Variants in KLHL1 observed in about 807,000 individuals in gnomAD.
KLHL1 encodes kelch-like protein 1.
In KLHL1, 47 loss-of-function variants were observed where a neutral mutation model predicts 77.7. The observed-to-expected ratio is 0.60, with a 90% CI of 0.48 to 0.77. The LOEUF is 0.77. KLHL1 is among the 30% of genes least tolerant of loss of function. The probability of loss-of-function intolerance (pLI) is 0.00; values close to 1 mark genes in which losing one functional copy is unlikely to be tolerated. For synonymous variants in KLHL1, 360 were observed against 325.2 expected (o/e 1.11, Z -1.15); for missense variants, 925 against 910.8 (o/e 1.02, Z -0.20).
intron 1 of KLHL1, among the ~76,000 whole-genome samples, chr13:70,016,681 G>T (rs1190316920): frequency 2.0e-5 from 3 of 152,176 alleles, no homozygotes; most frequent in African/African-American, 7.2e-5. Flanking sequence ...CGCACAAACA[G>T]CTTGGGCACC....
At chr13:69,967,186 A>G (rs1884236411) in intron 2 of KLHL1, among the ~76,000 whole-genome samples, 1 of 152,170 alleles carries the variant, frequency 6.6e-6, no homozygotes, top group Non-Finnish European at 1.5e-5. Flanking sequence ...ATAAGTCTCC[A>G]GATGCTGTAA....
intron 4 of KLHL1, among the ~76,000 whole-genome samples, chr13:69,926,283 A>T (rs1882810726): frequency 1.3e-5 from 2 of 152,186 alleles, no homozygotes; most frequent in Non-Finnish European, 1.5e-5. Context: ...AAATTCAAGG[A>T]TTATTATATA....
At chr13:69,819,496 T>C (rs1878251734) in intron 6 of KLHL1, among the ~76,000 whole-genome samples, 2 of 152,232 alleles carry the variant, frequency 1.3e-5, no homozygotes, top group South Asian at 4.1e-4. Context: ...TTAGGCACAC[T>C]GAGAACATTT....
chr13:69,900,733 T>C (rs1881824772), intron 4 of KLHL1, among the ~76,000 whole-genome samples: 1 of 152,180 alleles, frequency 6.6e-6, no homozygotes, highest in African/African-American at 2.4e-5. Context: ...CAAGATTATT[T>C]GGCAGATAAT....
intron 6 of KLHL1, among the ~76,000 whole-genome samples, chr13:69,801,776 G>C (rs549322765): frequency 2.0e-5 from 3 of 152,090 alleles, no homozygotes; most frequent in Non-Finnish European, 4.4e-5. Context: ...TTAGTTAAGA[G>C]ATAGGTGTGT....
intron 1 of KLHL1, among the ~76,000 whole-genome samples, chr13:70,072,299 A>G (rs1334360626): frequency 6.6e-6 from 1 of 152,146 alleles, no homozygotes; most frequent in Non-Finnish European, 1.5e-5. Context: ...AAAAACTAAT[A>G]ACTTTCCAAA....
chr13:69,781,797 A>C (rs1283026210), intron 7 of KLHL1, among the ~76,000 whole-genome samples: 1 of 152,138 alleles, frequency 6.6e-6, no homozygotes, highest in Non-Finnish European at 1.5e-5. Flanking sequence ...TAATTTTCTC[A>C]AATTATTTTT....
intron 1 of KLHL1, among the ~76,000 whole-genome samples, chr13:70,073,358 G>A (rs928179858): frequency 5.3e-5 from 8 of 152,002 alleles, no homozygotes; most frequent in African/African-American, 9.7e-5. Flanking sequence ...AATTGAACAA[G>A]GAGAACACTT....
At chr13:69,951,591 T>C (rs1487200117) in intron 3 of KLHL1, among the ~76,000 whole-genome samples, 1 of 151,496 alleles carries the variant, frequency 6.6e-6, no homozygotes, top group African/African-American at 2.4e-5. Flanking sequence ...AGTTCTACCA[T>C]CCTACCCTCT....
chr13:70,029,935 G>T (rs1334951710), intron 1 of KLHL1, among the ~76,000 whole-genome samples: 1 of 152,120 alleles, frequency 6.6e-6, no homozygotes, highest in Non-Finnish European at 1.5e-5. Context: ...ACAAAAAAAG[G>T]CAGGGGTTGC....
chr13:69,732,977 C>G (rs1593782115), intron 8 of KLHL1, among the ~76,000 whole-genome samples: 1 of 151,950 alleles, frequency 6.6e-6, no homozygotes, highest in Non-Finnish European at 1.5e-5. Flanking sequence ...AGTTCTCCAC[C>G]CCCAGGAGAG....
chr13:70,091,227 GT>G (rs1887665904), intron 1 of KLHL1, among the ~76,000 whole-genome samples: 1 of 152,080 alleles, frequency 6.6e-6, no homozygotes, highest in African/African-American at 2.4e-5. Flanking sequence ...TCACTCACAA[GT>G]TTGGATTGTG....
chr13:70,073,375 A>T (rs1887183340), intron 1 of KLHL1, among the ~76,000 whole-genome samples: 1 of 152,082 alleles, frequency 6.6e-6, no homozygotes, highest in African/African-American at 2.4e-5. Flanking sequence ...ACTTGGACAC[A>T]GGAAGGGGAA....
intron 9 of KLHL1, among the ~76,000 whole-genome samples, chr13:69,712,772 T>TTG (rs1491173790): frequency 1.5e-4 from 8 of 52,982 alleles, no homozygotes; most frequent in African/African-American, 4.8e-4. Flanking sequence ...TTTTTTTTTT[T>TTG]GGGGGGGGGG....
At chr13:69,754,242 C>T (rs1874612235) in intron 7 of KLHL1, among the ~76,000 whole-genome samples, 1 of 151,958 alleles carries the variant, frequency 6.6e-6, no homozygotes, top group African/African-American at 2.4e-5. Flanking sequence ...TTCAGGACAG[C>T]CAACTCTCTG....
chr13:69,959,628 T>A (rs1282208249), intron 3 of KLHL1, among the ~76,000 whole-genome samples: 1 of 149,044 alleles, frequency 6.7e-6, no homozygotes, highest in East Asian at 2.0e-4. Flanking sequence ...TAAAAACCTC[T>A]TGCTAGTTTG....
Position 69,796,834 on chromosome 13 carries a change from C to A in KLHL1, c.1543G>T (p.Asp515Tyr). The A allele has an allele frequency of 6.2e-7, 1 of 1,614,178 alleles. No individual in the cohort carries two copies. Among genetic ancestry groups the A allele is most frequent in the Non-Finnish European group, 8.5e-7 (1 of 1,180,016 alleles). Residue 515 changes from aspartate (D) to tyrosine (Y), a missense_variant, in exon 7 of 11, where the codon GAT becomes TAT. Coordinates refer to ENST00000377844, the MANE Select transcript of KLHL1 (RefSeq NM_020866.3). Reference sequence around the variant, plus strand: ...ACAGTGTTCAATGTCTTTAAGCCATCTCGACCTCCAATTACAAAGAGTTTG... The same window carrying A: ...ACAGTGTTCAATGTCTTTAAGCCATATCGACCTCCAATTACAAAGAGTTTG... Reference protein sequence around the residue: ...DDKLFVIGGRDGLKTLNTVEC... With the variant: ...DDKLFVIGGRYGLKTLNTVEC...
intron 1 of KLHL1, among the ~76,000 whole-genome samples, chr13:70,024,141 A>G (rs1369307912): frequency 6.6e-6 from 1 of 151,930 alleles, no homozygotes; most frequent in East Asian, 1.9e-4. Context: ...GATTGTTGAT[A>G]TGTTTTAAAT....
intron 1 of KLHL1, among the ~76,000 whole-genome samples, chr13:70,081,007 A>G (rs558675699): frequency 6.6e-6 from 1 of 152,358 alleles, no homozygotes; most frequent in East Asian, 1.9e-4. Context: ...AAAACATTGC[A>G]AAGTGCATAT....
Sources: allele counts gnomAD v4.1 joint callset (sites outside exome capture counted in the v4.1 genomes callset), GRCh38; gene constraint gnomAD v4.1.1; transcripts MANE v1.5; gene names NCBI Gene and HGNC (gene_info 2026-07-23, HGNC 2026-07-21).